The following UVRAG variants were observed in gnomAD, a reference collection of about 807,000 sequenced individuals.
The protein encoded by UVRAG is UV radiation resistance associated, also known as UV radiation resistance-associated gene protein.
Under a neutral mutation model 78.0 loss-of-function variants are expected in UVRAG, and 19 were observed. The ratio of observed to expected loss-of-function variants is 0.24; its 90% CI spans 0.17 to 0.36. The LOEUF (loss-of-function observed/expected upper bound fraction) is 0.36, where lower values mean the gene tolerates loss of function less well. Among genes scored for constraint, UVRAG ranks in the 10% least tolerant of loss-of-function variants. The pLI, the probability that UVRAG is intolerant of heterozygous loss-of-function variation, is 1.00. For missense variants in UVRAG, 740 were observed against 853.8 expected (o/e 0.87, Z 1.66); for synonymous variants, 323 against 324.6 (o/e 1.00, Z 0.05).
intron 12 of UVRAG, among the ~76,000 whole-genome samples, 180 bp from the exon 13 acceptor site, chr11:76,065,530 C>T (rs563751098): frequency 2.6e-5 from 4 of 152,224 alleles, no homozygotes; most frequent in Middle Eastern, 3.4e-3. Flanking sequence ...AGAAAGCAGC[C>T]GTTATTCTGA....
intron 13 of UVRAG, among the ~76,000 whole-genome samples, chr11:76,113,535 CTT>C (rs113969021): frequency 1.3e-5 from 2 of 150,546 alleles, no homozygotes; most frequent in Admixed American, 6.6e-5. Context: ...CAGAGAACTG[CTT>C]TTTTTTTCAT....
chr11:76,063,868 T>C (rs2134378384), intron 12 of UVRAG, among the ~76,000 whole-genome samples: 1 of 152,322 alleles, frequency 6.6e-6, no homozygotes, highest in South Asian at 2.1e-4. Flanking sequence ...TTAAAATGGG[T>C]ATTTTTCAAG....
chr11:76,128,945 A>T (rs565115766), intron 14 of UVRAG, among the ~76,000 whole-genome samples: 1 of 152,326 alleles, frequency 6.6e-6, no homozygotes, highest in Non-Finnish European at 1.5e-5. Flanking sequence ...TCTTCTCTTA[A>T]TGGATAGCAA....
intron 14 of UVRAG, among the ~76,000 whole-genome samples, chr11:76,134,591 C>G (rs1468565318): frequency 6.6e-6 from 1 of 152,058 alleles, no homozygotes; most frequent in Non-Finnish European, 1.5e-5. Flanking sequence ...CTTCTTCTAC[C>G]TATTACCCTG....
At chr11:76,045,698 C>CT (rs965286594) in intron 12 of UVRAG, among the ~76,000 whole-genome samples, 5 of 102,946 alleles carry the variant, frequency 4.9e-5, no homozygotes, top group Non-Finnish European at 1.1e-4. Flanking sequence ...TTGTTTTTCT[C>CT]TTAAAAAAAA....
intron 2 of UVRAG, among the ~76,000 whole-genome samples, chr11:75,861,199 C>T (rs1049444017): frequency 2.0e-5 from 3 of 152,088 alleles, no homozygotes; most frequent in African/African-American, 7.2e-5. Flanking sequence ...TGTCTTAGAG[C>T]AATAATGAGC....
chr11:75,956,907 G>C (rs116548352), intron 6 of UVRAG, among the ~76,000 whole-genome samples: 5 of 151,438 alleles, frequency 3.3e-5, no homozygotes, highest in Admixed American at 3.3e-4. Context: ...ATTTCATTCT[G>C]TTGTCCATTT....
At chr11:75,827,695 T>C (rs1231791014) in intron 1 of UVRAG, among the ~76,000 whole-genome samples, 1 of 152,212 alleles carries the variant, frequency 6.6e-6, no homozygotes, top group Non-Finnish European at 1.5e-5. Context: ...ATAGATACTT[T>C]TAAAGTGCCT....
At chr11:75,990,974 G>A (rs1949595004) in intron 8 of UVRAG, among the ~76,000 whole-genome samples, 1 of 152,154 alleles carries the variant, frequency 6.6e-6, no homozygotes, top group South Asian at 2.1e-4. Flanking sequence ...GCTAAAGAAA[G>A]ACTTCTCTAA....
chr11:75,828,386 A>G (rs1248965936), intron 1 of UVRAG, among the ~76,000 whole-genome samples: 1 of 146,012 alleles, frequency 6.8e-6, no homozygotes, highest in East Asian at 2.2e-4. Context: ...AGGTGGGAGG[A>G]TTGCTTGAGG....
intron 3 of UVRAG, among the ~76,000 whole-genome samples, chr11:75,869,816 T>C (rs1215827449): frequency 6.6e-6 from 1 of 152,230 alleles, no homozygotes; most frequent in Non-Finnish European, 1.5e-5. Context: ...AGATGTGTTG[T>C]ATGGTTTCAG....
intron 13 of UVRAG, among the ~76,000 whole-genome samples, chr11:76,078,752 CAAAAAAAAAAAAAAAA>C (rs61700855): frequency 2.7e-5 from 1 of 37,202 alleles, no homozygotes; most frequent in African/African-American, 6.8e-5. Flanking sequence ...ACTAAAAATA[CAAAAAAAAAAAAAAAA>C]AAAAAAAAAA....
intron 6 of UVRAG, among the ~76,000 whole-genome samples, chr11:75,920,722 A>G (rs1947962693): frequency 6.6e-6 from 1 of 152,164 alleles, no homozygotes; most frequent in Non-Finnish European, 1.5e-5. Context: ...TCTATATGTC[A>G]TAGATATGAT....
chr11:75,827,134 A>T (rs73489924), intron 1 of UVRAG, among the ~76,000 whole-genome samples: 2,887 of 152,302 alleles, frequency 0.019, 101 homozygotes, highest in African/African-American at 0.066. Context: ...AAGGGAAGAC[A>T]TAAAAGTAAA....
At chr11:75,894,920 C>G (rs1565368087) in intron 5 of UVRAG, among the ~76,000 whole-genome samples, 2 of 149,096 alleles carry the variant, frequency 1.3e-5, no homozygotes, top group African/African-American at 4.9e-5. Flanking sequence ...GAAAAGGAAA[C>G]AAAAGATAAA....
chr11:76,092,523 C>T (rs549465769), intron 13 of UVRAG, among the ~76,000 whole-genome samples: 14 of 152,256 alleles, frequency 9.2e-5, no homozygotes, highest in African/African-American at 2.6e-4. Context: ...TTTTAATGAT[C>T]GCCATTCTAA....
At chr11:75,935,138 T>C (rs1948341975) in intron 6 of UVRAG, 1 of 152,192 alleles carries the variant, frequency 6.6e-6, no homozygotes, top group Non-Finnish European at 1.5e-5. Flanking sequence ...ACAAAAAGAA[T>C]CACTATTTTC....
chr11:75,975,927 G>T lies in UVRAG; in HGVS notation c.700-7460G>T, dbSNP rs571852430. On this transcript the variant is annotated intron_variant, in intron 7 of 14. Transcript: ENST00000356136. Reference sequence around the variant, plus strand: ...TGTTGAATAGGAGTGGTGAAAGAGGGCATCCCTGTCTTGTGCCAGTTTTCA... The same window carrying T: ...TGTTGAATAGGAGTGGTGAAAGAGGTCATCCCTGTCTTGTGCCAGTTTTCA... Among the ~76,000 whole-genome samples the T allele has an allele frequency of 1.8e-3, 271 of 152,310 alleles. 1 individual carries two copies. The highest frequency in any genetic ancestry group is 3.0e-3 in the Non-Finnish European group (201 of 68,030).
chr11:75,848,598 T>A (rs1363781547), intron 1 of UVRAG, among the ~76,000 whole-genome samples: 1 of 152,196 alleles, frequency 6.6e-6, no homozygotes, highest in South Asian at 2.1e-4. Flanking sequence ...AGATTCGATC[T>A]CCGTCCAAGC....
Sources: gnomAD v4.1 joint callset for allele counts (sites outside exome capture counted in the v4.1 genomes callset) on GRCh38, gnomAD v4.1.1 for gene constraint, MANE v1.5 for transcripts, NCBI Gene and HGNC (gene_info 2026-07-23, HGNC 2026-07-21) for gene names.